The following PLXNA2 variants were observed in gnomAD, a reference collection of about 807,000 sequenced individuals.
PLXNA2 encodes plexin-A2.
In PLXNA2, 91 loss-of-function variants were observed where a neutral mutation model predicts 193.5. The observed-to-expected ratio is 0.47, with a 90% confidence interval of 0.40 to 0.56. The LOEUF (loss-of-function observed/expected upper bound fraction) is 0.56. Ranked by LOEUF, PLXNA2 falls within the 20% of genes least tolerant of loss-of-function variation. PLXNA2 has a pLI of 0.00. For synonymous variants in PLXNA2, 997 were observed against 1,027.3 expected (o/e 0.97, Z 0.56); for missense variants, 1,995 against 2,503.2 (o/e 0.80, Z 4.33).
At chr1:208,175,461 G>T (rs149022313) in intron 3 of PLXNA2, among the ~76,000 whole-genome samples, 314 of 152,258 alleles carry the variant, frequency 2.1e-3, no homozygotes, top group African/African-American at 6.8e-3. Context: ...GGACACAAAG[G>T]CTCCAGCATT....
At chr1:208,097,025 C>G (rs1387307354) in intron 6 of PLXNA2, 142 bp from the exon 7 acceptor site, 15 of 662,844 alleles carry the variant, frequency 2.3e-5, no homozygotes, top group Non-Finnish European at 3.8e-5. Flanking sequence ...AAGTGGTCTT[C>G]CAGCTTTGAA....
In PLXNA2 at chr1:208,033,491, G is replaced by A. The variant is rs200628052; in HGVS notation, c.4883C>T (p.Thr1628Met). Reference sequence around the variant, plus strand: ...GGACCGCAGGCTGTCGGGGCTGCCCGTATACCTGAAGGAGGAGTCTGAGGA... The same window carrying A: ...GGACCGCAGGCTGTCGGGGCTGCCCATATACCTGAAGGAGGAGTCTGAGGA... ...ISRYDSSFRY[T>M]GSPDSLRSRA... is the part of the protein sequence containing the mutation. The change falls in exon 28 of 32, where the codon ACG (threonine) becomes ATG (methionine). Residue 1628 changes from threonine (T) to methionine (M), a missense_variant. Physicochemically the swap from Thr to Met is moderately conservative, Grantham distance 81 (BLOSUM62 -1). Coordinates refer to ENST00000367033, the MANE Select transcript of PLXNA2 (RefSeq NM_025179.4). The A allele has an allele frequency of 3.5e-4, 556 of 1,610,206 alleles. 2 individuals are homozygous for A. Among genetic ancestry groups the A allele is most frequent in the Non-Finnish European group, 3.9e-4 (456 of 1,177,628 alleles).
intron 3 of PLXNA2, among the ~76,000 whole-genome samples, chr1:208,199,041 G>T (rs185306807): frequency 6.6e-6 from 1 of 152,342 alleles, no homozygotes; most frequent in East Asian, 1.9e-4. Flanking sequence ...ATTTATAGTG[G>T]ATCTTTTAGG....
chr1:208,117,145 T>C (rs999190236), intron 4 of PLXNA2, among the ~76,000 whole-genome samples: 1 of 152,158 alleles, frequency 6.6e-6, no homozygotes, highest in African/African-American at 2.4e-5. Context: ...CACTCCAGCC[T>C]GGATGACAGA....
In PLXNA2 at chr1:208,226,465, G is replaced by A. The variant is rs568582683; in HGVS notation, c.-80-8463C>T. On this transcript the variant is annotated intron_variant, in intron 1 of 31. Coordinates refer to ENST00000367033, the MANE Select transcript of PLXNA2 (RefSeq NM_025179.4). ...TCCTCTCCACTCACAGGCTATAAAA[G>A]TTTGGAGTTGTATCCCTGAATTATG... Among the ~76,000 whole-genome samples, 4 of 152,228 alleles carry A rather than the reference G, an allele frequency of 2.6e-5. No homozygotes were observed. The East Asian group carries it at 5.8e-4, about 22-fold the overall frequency.
intron 4 of PLXNA2, among the ~76,000 whole-genome samples, chr1:208,128,313 G>A (rs1668034769): frequency 6.6e-6 from 1 of 152,206 alleles, no homozygotes; most frequent in Non-Finnish European, 1.5e-5. Flanking sequence ...CGTGTTAGTT[G>A]TGGGGGACTC....
intron 4 of PLXNA2, among the ~76,000 whole-genome samples, chr1:208,111,942 C>T (rs1019430465): frequency 3.3e-5 from 5 of 152,204 alleles, no homozygotes; most frequent in East Asian, 1.9e-4. Flanking sequence ...AATGCACAAC[C>T]TTCTGACCAG....
intron 3 of PLXNA2, among the ~76,000 whole-genome samples, chr1:208,170,898 A>G (rs1273407860): frequency 6.6e-6 from 1 of 152,258 alleles, no homozygotes; most frequent in Non-Finnish European, 1.5e-5. Context: ...AATCCAGTGC[A>G]GAGAGCAAGA....
chr1:208,181,580 C>A (rs571421987), intron 3 of PLXNA2, among the ~76,000 whole-genome samples: 1 of 152,194 alleles, frequency 6.6e-6, no homozygotes, highest in African/African-American at 2.4e-5. Context: ...TCCCTCCTCC[C>A]TAGAGAGGGT....
intron 17 of PLXNA2, 80 bp from the exon 18 acceptor site, chr1:208,046,197 C>G: frequency 2.0e-6 from 3 of 1,488,966 alleles, no homozygotes; most frequent in Non-Finnish European, 2.7e-6. Context: ...CTCCCACCCT[C>G]TCTCTGCTTT....
At chr1:208,180,008 C>T (rs1487938408) in intron 3 of PLXNA2, among the ~76,000 whole-genome samples, 1 of 152,154 alleles carries the variant, frequency 6.6e-6, no homozygotes, top group Non-Finnish European at 1.5e-5. Context: ...GGTCTCTCCC[C>T]TCTGGCTGCC....
chr1:208,183,575 C>T (rs961042116), intron 3 of PLXNA2, among the ~76,000 whole-genome samples: 24 of 123,826 alleles, frequency 1.9e-4, no homozygotes, highest in East Asian at 9.4e-4. Flanking sequence ...CTGCTGTAGA[C>T]GAGAAGCCAG....
rs771374090 is a variant in PLXNA2 at position 208,082,503 on chromosome 1, C to T, written c.2304G>A (p.Gln768=). 14 of 1,613,590 alleles carry T rather than the reference C, an allele frequency of 8.7e-6. No individual in the cohort carries two copies. The East Asian group carries it at 2.7e-4, about 31-fold the overall frequency. Residue 768 remains glutamine, a synonymous_variant, in exon 11 of 32, where the codon CAG becomes CAA. Transcript: ENST00000367033. The surrounding 1 kb of genome is among the most constrained non-coding windows in gnomAD (Gnocchi z 4.2). ...GATTGCTGATGTCCATGCCATCATA[C>T]TGGTACTATAGGGAGACGGGCAGAG... The part of the protein sequence containing the change: ...SSVQCQNSSY[Q]YDGMDISNLA...
intron 13 of PLXNA2, among the ~76,000 whole-genome samples, chr1:208,058,566 G>T (rs902795943): frequency 6.6e-6 from 1 of 152,158 alleles, no homozygotes; most frequent in Non-Finnish European, 1.5e-5. Flanking sequence ...GAAACCTCGG[G>T]AGTGGTAATG....
At chr1:208,212,688 A>T (rs1671001475) in intron 2 of PLXNA2, among the ~76,000 whole-genome samples, 1 of 152,204 alleles carries the variant, frequency 6.6e-6, no homozygotes, top group Admixed American at 6.5e-5. Context: ...AGAGCCAGTT[A>T]TTTAATATTT....
At chr1:208,039,835 C>G in intron 23 of PLXNA2, 68 bp from the exon 24 acceptor site, 2 of 1,609,642 alleles carry the variant, frequency 1.2e-6, no homozygotes, top group East Asian at 4.5e-5. Context: ...TCCCTTTCCT[C>G]TCTCGGAGCG....
intron 4 of PLXNA2, among the ~76,000 whole-genome samples, chr1:208,131,870 G>A (rs1221861263): frequency 1.3e-5 from 2 of 152,164 alleles, no homozygotes; most frequent in Admixed American, 1.3e-4. Context: ...CAGTCCAGGA[G>A]CTTTGCAGCC....
At chr1:208,111,054 A>T (rs1024905708) in intron 4 of PLXNA2, among the ~76,000 whole-genome samples, 2 of 151,940 alleles carry the variant, frequency 1.3e-5, no homozygotes. Flanking sequence ...AAGATTCCCT[A>T]AGGGATTTTT....
chr1:208,087,398 G>GTT (rs35601723), intron 9 of PLXNA2, among the ~76,000 whole-genome samples: 104 of 143,918 alleles, frequency 7.2e-4, no homozygotes, highest in East Asian at 1.6e-3. Flanking sequence ...TATTACATGA[G>GTT]TTTTTTTTTT....
Sources: gnomAD v4.1 joint callset for allele counts (sites outside exome capture counted in the v4.1 genomes callset) on GRCh38, gnomAD v4.1.1 for gene constraint, Gnocchi (gnomAD v3.1) non-coding constraint, MANE v1.5 for transcripts, NCBI Gene and HGNC (gene_info 2026-07-23, HGNC 2026-07-21) for gene names.